The following SOX6 variants were observed in gnomAD, a reference collection of about 807,000 sequenced individuals.
SOX6 encodes the protein SRY-box transcription factor 6.
SOX6 carries 11 observed loss-of-function variants against 97.8 expected under a neutral mutation model. The observed-to-expected ratio is 0.11, with a 90% CI of 0.07 to 0.19. The LOEUF is 0.19. Ranked by LOEUF, SOX6 falls within the 10% of genes least tolerant of loss-of-function variation. The pLI is 1.00. For synonymous variants in SOX6, 360 were observed against 371.4 expected (o/e 0.97, Z 0.35); for missense variants, 810 against 1,039.5 (o/e 0.78, Z 3.04).
At chr11:16,142,705 C>A (rs1295527992) in intron 6 of SOX6, among the ~76,000 whole-genome samples, 2 of 151,888 alleles carry the variant, frequency 1.3e-5, no homozygotes, top group Non-Finnish European at 2.9e-5. Flanking sequence ...GTGACGAATG[C>A]CCAAGCTTAA....
chr11:16,488,170 C>T (rs1034206080), intron 4 of SOX6, among the ~76,000 whole-genome samples: 1 of 152,126 alleles, frequency 6.6e-6, no homozygotes, highest in Non-Finnish European at 1.5e-5. Flanking sequence ...ATCATCCTTA[C>T]TCATCACTTA....
intron 3 of SOX6, among the ~76,000 whole-genome samples, chr11:16,262,195 A>C (rs1302619904): frequency 2.0e-5 from 3 of 152,094 alleles, no homozygotes; most frequent in South Asian, 2.1e-4. Context: ...GCTCTATATG[A>C]GCATCAAATG....
At chr11:15,995,753 C>T (rs1477532252) in intron 13 of SOX6, among the ~76,000 whole-genome samples, 1 of 151,918 alleles carries the variant, frequency 6.6e-6, no homozygotes, top group Non-Finnish European at 1.5e-5. Context: ...ATATTACTTA[C>T]GGGGAAACAA....
At chr11:16,455,756 T>C (rs1371085358) in intron 1 of SOX6, among the ~76,000 whole-genome samples, 1 of 151,962 alleles carries the variant, frequency 6.6e-6, no homozygotes, top group East Asian at 1.9e-4. Context: ...GATACATTTA[T>C]TTCCCCCATG....
intron 12 of SOX6, among the ~76,000 whole-genome samples, chr11:16,031,809 AG>A (rs1323961813): frequency 6.6e-6 from 1 of 151,974 alleles, no homozygotes; most frequent in East Asian, 1.9e-4. Context: ...GAGGTTAGGG[AG>A]GGAGAAAGGA....
intron 6 of SOX6, among the ~76,000 whole-genome samples, chr11:16,120,311 C>T (rs925097192): frequency 6.6e-6 from 1 of 151,178 alleles, no homozygotes; most frequent in African/African-American, 2.4e-5. Flanking sequence ...TCTCAGGTCC[C>T]ATCAAGATAA....
At chr11:16,701,400 C>G (rs1299639021) in intron 3 of SOX6, among the ~76,000 whole-genome samples, 4 of 152,148 alleles carry the variant, frequency 2.6e-5, no homozygotes, top group African/African-American at 9.6e-5. Context: ...AGAAAAAGTA[C>G]TTAATAAGCA....
upstream of SOX6, among the ~76,000 whole-genome samples, chr11:16,360,994 C>G (rs915945820): frequency 7.6e-6 from 1 of 131,386 alleles, no homozygotes; most frequent in Non-Finnish European, 1.6e-5. Flanking sequence ...AAGAGCAAGA[C>G]TCCATCTCAA....
chr11:16,059,547 G>A (rs964793828), intron 9 of SOX6, among the ~76,000 whole-genome samples: 1 of 151,976 alleles, frequency 6.6e-6, no homozygotes, highest in Non-Finnish European at 1.5e-5. Context: ...TTCAGCACAT[G>A]TAATTAAATG....
chr11:16,415,256 CTATT>C (rs1858903409), intron 1 of SOX6, among the ~76,000 whole-genome samples: 1 of 151,600 alleles, frequency 6.6e-6, no homozygotes, highest in African/African-American at 2.4e-5. Context: ...TAAAATATAA[CTATT>C]TGTTTAGTGA....
chr11:16,293,151 T>G (rs1854965167), intron 3 of SOX6, among the ~76,000 whole-genome samples: 1 of 152,108 alleles, frequency 6.6e-6, no homozygotes, highest in African/African-American at 2.4e-5. Context: ...GAATCACAAT[T>G]AGCAAAAATA....
At chr11:16,529,351 A>G (rs527451382) in intron 4 of SOX6, among the ~76,000 whole-genome samples, 1 of 152,210 alleles carries the variant, frequency 6.6e-6, no homozygotes, top group South Asian at 2.1e-4. Context: ...TCTCCGAGTG[A>G]TACAGTACAT....
intron 5 of SOX6, 141 bp downstream of exon 5, chr11:16,186,642 T>G: frequency 9.0e-7 from 1 of 1,109,048 alleles, no homozygotes; most frequent in Non-Finnish European, 1.3e-6. Flanking sequence ...CCAGAAGGCT[T>G]TGTTTTTTTT....
rs531594255 is a variant in SOX6, at chr11:16,192,456, A to T, written c.536-5501T>A. ...TCTCAATAGGAAGTCAATAATGCGT[A>T]AATAAGGAAACACTTTTCAAAATAT... is the stretch of plus-strand genomic sequence containing the variant. On this transcript the variant is annotated intron_variant, in intron 4 of 15. Coordinates refer to ENST00000683767, the MANE Select transcript of SOX6 (RefSeq NM_001367873.1). 4.6e-5 allele frequency among the ~76,000 whole-genome samples: 7 copies of T among 152,294 alleles called. No homozygotes were observed. The South Asian group carries it at 1.4e-3, about 32-fold the overall frequency.
chr11:16,360,460 A>G (rs368112308), upstream of SOX6, among the ~76,000 whole-genome samples: 7 of 152,190 alleles, frequency 4.6e-5, no homozygotes, highest in South Asian at 2.1e-4. Flanking sequence ...ATTTAATTGG[A>G]TCAAAATAGA....
intron 15 of SOX6, among the ~76,000 whole-genome samples, chr11:15,983,016 A>C (rs10832539): frequency 0.43 from 64,640 of 151,760 alleles, 13,974 homozygotes; most frequent in African/African-American, 0.46. Context: ...GTAAGGGCCT[A>C]TTTGAAACCA....
At chr11:16,717,562 T>C (rs969098536) in intron 2 of SOX6, among the ~76,000 whole-genome samples, 5 of 152,166 alleles carry the variant, frequency 3.3e-5, no homozygotes, top group East Asian at 1.9e-4. Context: ...TTTATAAGAA[T>C]TGGTAACCTA....
intron 2 of SOX6, among the ~76,000 whole-genome samples, chr11:16,325,525 A>T (rs1242244312): frequency 6.6e-6 from 1 of 152,160 alleles, no homozygotes; most frequent in Non-Finnish European, 1.5e-5. Flanking sequence ...AAACAGAAAA[A>T]AATAGTAATT....
In SOX6 at chr11:16,046,706, A is replaced by G. The variant is rs1350927375; in HGVS notation, c.1436-5T>C. 3.1e-6 allele frequency: 5 copies of G among 1,612,794 alleles called. No individual in the cohort carries two copies. The Admixed American group carries it at 5.0e-5, about 16-fold the overall frequency. On this transcript the variant is annotated splice_polypyrimidine_tract_variant and splice_region_variant and intron_variant, in intron 11 of 15. Transcript: ENST00000683767. ...AGTTGAGACTAGATAGGATATCTGC[A>G]TACACAGGATGCATTATTAGATGCT... is the stretch of plus-strand genomic sequence containing the variant.
Sources: gnomAD v4.1 joint callset for allele counts (sites outside exome capture counted in the v4.1 genomes callset) on GRCh38, gnomAD v4.1.1 for gene constraint, MANE v1.5 for transcripts, NCBI Gene and HGNC (gene_info 2026-07-23, HGNC 2026-07-21) for gene names.